CCDC69: variants seen among roughly 807,000 people sequenced by gnomAD.
CCDC69 encodes the protein coiled-coil domain-containing protein 69.
A neutral mutation model predicts 40.3 loss-of-function variants in CCDC69; 38 were observed. The ratio of observed to expected loss-of-function variants is 0.94; its 90% CI spans 0.73 to 1.24. The LOEUF (loss-of-function observed/expected upper bound fraction) is 1.24. CCDC69 is among the 50% of genes most tolerant of loss of function. CCDC69 has a pLI of 0.00. For synonymous variants in CCDC69, 141 were observed against 138.9 expected, an observed-to-expected ratio of 1.02 and a Z score of -0.11; for missense variants, 389 against 357.9, an observed-to-expected ratio of 1.09 and a Z score of -0.70.
At chr5:151,191,521 T>C (rs1339722885) in intron 4 of CCDC69, among the ~76,000 whole-genome samples, 3 of 152,220 alleles carry the variant, frequency 2.0e-5, no homozygotes, top group African/African-American at 7.2e-5. Flanking sequence ...AACTATGTTC[T>C]CTGACTGTAA....
chr5:151,204,265 G>A (rs575122977), intron 2 of CCDC69, among the ~76,000 whole-genome samples: 1 of 152,176 alleles, frequency 6.6e-6, no homozygotes. Flanking sequence ...GAACTCTTGG[G>A]CTCAAGCATT....
rs1248370607 is a variant in CCDC69 at position 151,183,628 on chromosome 5, C to T, written c.714-14G>A. The T allele has an allele frequency of 6.3e-7, 1 of 1,599,466 alleles. No homozygotes were observed. Among genetic ancestry groups the T allele is most frequent in the East Asian group, 2.2e-5 (1 of 44,686 alleles). Reference sequence around the variant, plus strand: ...TCTGACAGCTGCCTGTGGATGCACACAGAGCCCAGGGTTGCCTACTGGGAG... The same window carrying T: ...TCTGACAGCTGCCTGTGGATGCACATAGAGCCCAGGGTTGCCTACTGGGAG... On this transcript the variant is annotated splice_polypyrimidine_tract_variant and intron_variant, in intron 8 of 8. Transcript: ENST00000355417.
At chr5:151,201,808 C>G in intron 2 of CCDC69, 120 bp from the exon 3 acceptor site, 1 of 562,890 alleles carries the variant, frequency 1.8e-6, no homozygotes, top group Non-Finnish European at 3.1e-6. Flanking sequence ...GTCTCTGCCT[C>G]AAGAATGATT....
At position 151,183,051 on chromosome 5, in the gene CCDC69, T is replaced by G. The variant is rs563401113; in HGVS notation, c.*386A>C. The G allele has an allele frequency of 4.3e-6, 2 of 468,200 alleles. No individual in the cohort carries two copies. Among genetic ancestry groups the G allele is most frequent in the East Asian group, 1.3e-4 (2 of 14,962 alleles). 29.0% of individuals were successfully genotyped at this position (468,200 alleles called of 1,614,324 possible). On this transcript the variant is annotated 3_prime_UTR_variant, in exon 9 of 9. Coordinates refer to ENST00000355417, the MANE Select transcript of CCDC69 (RefSeq NM_015621.3). ...GAAACACCTAGAGGAAGTTGATAAG[T>G]CAGCAAGTCGGCAGCAGAGCTGACA...
chr5:151,199,012 C>T lies in CCDC69; in HGVS notation c.304G>A (p.Glu102Lys), dbSNP rs769766241. The change falls in exon 4 of 9, where the codon GAA becomes AAA. Residue 102 changes from glutamate to lysine, a missense_variant. By Grantham distance (56) the Glu-to-Lys change is moderately conservative (BLOSUM62 1). Coordinates refer to ENST00000355417, the MANE Select transcript of CCDC69 (RefSeq NM_015621.3). Reference protein sequence around the residue: ...EQQRVLEGKNEEALQVLRASY... With the variant: ...EQQRVLEGKNKEALQVLRASY... ...CTACCCTTACCTTGCAGGGCCTCTT[C>T]ATTCTTTCCTTCCAGGACCCTTTGC... is the stretch of plus-strand genomic sequence containing the variant. 6 of 1,614,036 alleles carry T rather than the reference C, an allele frequency of 3.7e-6. No individual in the cohort carries two copies. Among genetic ancestry groups the T allele is most frequent in the South Asian group, 2.2e-5 (2 of 91,076 alleles).
intron 4 of CCDC69, 33 bp from the exon 5 acceptor site, chr5:151,187,492 A>G: frequency 6.4e-7 from 1 of 1,568,796 alleles, no homozygotes; most frequent in Non-Finnish European, 8.7e-7. Context: ...TAAGCTCAAG[A>G]CACTTCTCCC....
intron 5 of CCDC69, among the ~76,000 whole-genome samples, chr5:151,187,121 C>T (rs1014194811): frequency 6.6e-6 from 1 of 152,198 alleles, no homozygotes; most frequent in Non-Finnish European, 1.5e-5. Flanking sequence ...TGAATCTAAT[C>T]ACACTGTGGC....
At chr5:151,200,736 C>G (rs756739505) in intron 3 of CCDC69, among the ~76,000 whole-genome samples, 195 of 152,290 alleles carry the variant, frequency 1.3e-3, no homozygotes, top group Non-Finnish European at 1.1e-3. Flanking sequence ...TGTTTCATGG[C>G]CTTGACATTT....
chr5:151,208,303 G>C (rs1320616159), intron 1 of CCDC69, among the ~76,000 whole-genome samples: 1 of 152,196 alleles, frequency 6.6e-6, no homozygotes. Context: ...CTATGAAAAT[G>C]TTCGACAAAA....
chr5:151,207,667 C>G (rs1157156005), intron 1 of CCDC69, among the ~76,000 whole-genome samples: 1 of 152,094 alleles, frequency 6.6e-6, no homozygotes, highest in East Asian at 1.9e-4. Context: ...TAAGGAAAAG[C>G]TTAAGAACAG....
At chr5:151,184,311 G>C in intron 8 of CCDC69, 33 bp downstream of exon 8, 1 of 1,537,866 alleles carries the variant, frequency 6.5e-7, no homozygotes, top group Non-Finnish European at 9.0e-7. Context: ...AAAAGGGTGG[G>C]GATGGGAGTA....
At position 151,223,813 on chromosome 5, in the gene CCDC69, C is replaced by T. The variant is rs1753172600; in HGVS notation, c.48+110G>A. 6.5e-6 allele frequency: 7 copies of T among 1,084,296 alleles called. No individual in the cohort carries two copies. The East Asian group carries it at 1.8e-4, about 27-fold the overall frequency. 67.2% of individuals were successfully genotyped at this position (1,084,296 alleles called of 1,614,324 possible). ...AGCTGGCCTCTCCAGGTTCTCCGTC[C>T]GGTATCCCGGGCCGACCAGAGAGAG... On this transcript the variant is annotated intron_variant, in intron 1 of 8. Coordinates refer to ENST00000355417, the MANE Select transcript of CCDC69 (RefSeq NM_015621.3).
chr5:151,198,760 GA>G (rs2113992238), intron 4 of CCDC69: 1 of 423,446 alleles, frequency 2.4e-6, no homozygotes. Context: ...TAAATGGAAA[GA>G]AAAAAATACC....
intron 1 of CCDC69, among the ~76,000 whole-genome samples, chr5:151,213,503 C>T (rs1252363073): frequency 1.3e-5 from 2 of 152,016 alleles, no homozygotes; most frequent in South Asian, 2.1e-4. Context: ...CCACCCGCCT[C>T]GGCCTCCCAA....
At position 151,181,699 on chromosome 5, in the gene CCDC69, T is replaced by C. The variant is rs1311632730; in HGVS notation, c.*1738A>G. 1 of 152,272 alleles carries C rather than the reference T, an allele frequency of 6.6e-6. No individual in the cohort carries two copies. The allele number at this position is 152,272 out of a possible 1,614,324, so 9.4% of individuals were successfully genotyped here. On this transcript the variant is annotated 3_prime_UTR_variant, in exon 9 of 9. Coordinates refer to ENST00000355417, the MANE Select transcript of CCDC69 (RefSeq NM_015621.3). ...TCTGAGAAGTCATTCAGGTCACTGA[T>C]CTGTTTAGGTGTCCCCAAATAACTT...
At chr5:151,205,768 G>A (rs1305448338) in intron 1 of CCDC69, among the ~76,000 whole-genome samples, 1 of 152,100 alleles carries the variant, frequency 6.6e-6, no homozygotes, top group African/African-American at 2.4e-5. Flanking sequence ...CATCCCTGGG[G>A]GCCTCTCAGA....
At chr5:151,210,283 C>G (rs1752915207) in intron 1 of CCDC69, among the ~76,000 whole-genome samples, 1 of 152,172 alleles carries the variant, frequency 6.6e-6, no homozygotes, top group Non-Finnish European at 1.5e-5. Context: ...GTGGCTCATG[C>G]CTATAATCCT....
At chr5:151,193,817 G>C (rs1752658138) in intron 4 of CCDC69, among the ~76,000 whole-genome samples, 1 of 152,128 alleles carries the variant, frequency 6.6e-6, no homozygotes, top group Admixed American at 6.5e-5. Flanking sequence ...TCACCCCACT[G>C]GCTAGGAGAA....
At chr5:151,215,198 G>A (rs1218170664) in intron 1 of CCDC69, among the ~76,000 whole-genome samples, 1 of 152,210 alleles carries the variant, frequency 6.6e-6, no homozygotes, top group East Asian at 1.9e-4. Flanking sequence ...CAAACTGGAA[G>A]GCCAGAGCCA....
Sources: allele counts gnomAD v4.1 joint callset (sites outside exome capture counted in the v4.1 genomes callset), GRCh38; gene constraint gnomAD v4.1.1; transcripts MANE v1.5; gene names NCBI Gene and HGNC (gene_info 2026-07-23, HGNC 2026-07-21).